KCND2: variants seen among roughly 807,000 people sequenced by gnomAD.
KCND2 encodes the protein A-type voltage-gated potassium channel KCND2.
A neutral mutation model predicts 54.4 loss-of-function variants in KCND2; 16 were observed. The observed-to-expected ratio is 0.29, with a 90% CI of 0.20 to 0.45. The LOEUF is 0.45. KCND2 is among the 20% of genes least tolerant of loss of function. The pLI is 1.00. For missense variants in KCND2, 486 were observed against 824.2 expected, an observed-to-expected ratio of 0.59 and a Z score of 5.02; for synonymous variants, 317 against 310.7, an observed-to-expected ratio of 1.02 and a Z score of -0.21.
intron 1 of KCND2, among the ~76,000 whole-genome samples, chr7:120,413,786 T>C (rs888647438): frequency 3.9e-5 from 6 of 151,972 alleles, no homozygotes; most frequent in Non-Finnish European, 7.4e-5. Context: ...AAATAAATAT[T>C]TCTTGTTGGC....
intron 1 of KCND2, among the ~76,000 whole-genome samples, chr7:120,504,138 A>G (rs1171419947): frequency 6.6e-6 from 1 of 151,984 alleles, no homozygotes; most frequent in Non-Finnish European, 1.5e-5. Flanking sequence ...TCTTTTTGGT[A>G]TGCACAAATA....
At chr7:120,398,679 G>A (rs2116072980) in intron 1 of KCND2, among the ~76,000 whole-genome samples, 1 of 152,176 alleles carries the variant, frequency 6.6e-6, no homozygotes, top group Non-Finnish European at 1.5e-5. Flanking sequence ...GAAATGAGGT[G>A]GTAGTCAGAA....
chr7:120,624,902 A>T (rs529203093), intron 1 of KCND2, among the ~76,000 whole-genome samples: 27 of 152,344 alleles, frequency 1.8e-4, no homozygotes, highest in African/African-American at 6.3e-4. Flanking sequence ...TGGTAGAGCA[A>T]GCAAGCAGTC....
chr7:120,398,303 C>T (rs1801190429), intron 1 of KCND2, among the ~76,000 whole-genome samples: 1 of 151,698 alleles, frequency 6.6e-6, no homozygotes, highest in Non-Finnish European at 1.5e-5. Context: ...TCTTGGAAAT[C>T]ATATGAAGCT....
At chr7:120,550,098 G>A (rs909331651) in intron 1 of KCND2, among the ~76,000 whole-genome samples, 1 of 151,878 alleles carries the variant, frequency 6.6e-6, no homozygotes, top group Admixed American at 6.6e-5. Context: ...GGTTCGTTCA[G>A]CACTCATCAT....
chr7:120,437,196 A>G (rs1476378464), intron 1 of KCND2, among the ~76,000 whole-genome samples: 1 of 145,784 alleles, frequency 6.9e-6, no homozygotes, highest in African/African-American at 2.6e-5. Flanking sequence ...GAGACAATCA[A>G]TATACAACTT....
intron 1 of KCND2, among the ~76,000 whole-genome samples, chr7:120,405,891 T>C (rs967967149): frequency 6.6e-6 from 1 of 152,082 alleles, no homozygotes; most frequent in Admixed American, 6.6e-5. Flanking sequence ...CTAGTGAAAC[T>C]ATAAATTGCA....
chr7:120,635,682 C>A (rs1793295869), intron 1 of KCND2, among the ~76,000 whole-genome samples: 1 of 152,100 alleles, frequency 6.6e-6, no homozygotes, highest in Admixed American at 6.6e-5. Context: ...GCAATAAAAA[C>A]TTTCTTTGGA....
At chr7:120,636,952 C>G (rs930323137) in intron 1 of KCND2, among the ~76,000 whole-genome samples, 1 of 151,942 alleles carries the variant, frequency 6.6e-6, no homozygotes, top group Non-Finnish European at 1.5e-5. Context: ...GAAACTGACC[C>G]TTATAAATTC....
chr7:120,294,092 A>G (rs1034523214), intron 1 of KCND2, among the ~76,000 whole-genome samples: 4 of 152,016 alleles, frequency 2.6e-5, no homozygotes, highest in African/African-American at 9.7e-5. Context: ...GCAATTCTCA[A>G]TACAACCATT....
At chr7:120,501,115 T>C (rs1346988098) in intron 1 of KCND2, among the ~76,000 whole-genome samples, 1 of 152,120 alleles carries the variant, frequency 6.6e-6, no homozygotes, top group Non-Finnish European at 1.5e-5. Flanking sequence ...TGTTAGTCCA[T>C]GTTCTTTGTT....
At chr7:120,675,813 G>C (rs892027565) in intron 1 of KCND2, among the ~76,000 whole-genome samples, 4 of 148,210 alleles carry the variant, frequency 2.7e-5, no homozygotes, top group Admixed American at 1.3e-4. Flanking sequence ...CCCTTGACTA[G>C]TTTATAAGTG....
At chr7:120,632,292 A>G (rs977076866) in intron 1 of KCND2, among the ~76,000 whole-genome samples, 1 of 152,226 alleles carries the variant, frequency 6.6e-6, no homozygotes, top group Non-Finnish European at 1.5e-5. Flanking sequence ...AGCGAGAAAC[A>G]AGGGCATAAT....
intron 1 of KCND2, among the ~76,000 whole-genome samples, chr7:120,503,385 TGAGAGAGAGA>T (rs58222636): frequency 6.8e-6 from 1 of 146,580 alleles, no homozygotes; most frequent in African/African-American, 2.5e-5. Flanking sequence ...GTCTCTAGAG[TGAGAGAGAGA>T]GAGAGAGAGA....
At chr7:120,341,743 T>C (rs541869607) in intron 1 of KCND2, among the ~76,000 whole-genome samples, 4 of 152,258 alleles carry the variant, frequency 2.6e-5, no homozygotes, top group African/African-American at 9.6e-5. Flanking sequence ...CATATATGTG[T>C]TTATTGAAAT....
chr7:120,398,573 C>T (rs753796745), intron 1 of KCND2, among the ~76,000 whole-genome samples: 15 of 151,962 alleles, frequency 9.9e-5, no homozygotes, highest in Non-Finnish European at 1.9e-4. Context: ...AGTATTTGAT[C>T]GAGCTCTACT....
intron 1 of KCND2, among the ~76,000 whole-genome samples, chr7:120,424,836 T>C (rs990284118): frequency 1.3e-5 from 2 of 152,224 alleles, no homozygotes; most frequent in African/African-American, 4.8e-5. Flanking sequence ...TACCTCTTAA[T>C]CTAAGGAAAA....
intron 1 of KCND2, among the ~76,000 whole-genome samples, chr7:120,506,617 G>A (rs900502576): frequency 7.2e-5 from 11 of 151,840 alleles, no homozygotes; most frequent in African/African-American, 1.9e-4. Flanking sequence ...GGAAACAAAC[G>A]TACTGATGAA....
At chr7:120,682,386 T>A (rs1015618924) in intron 1 of KCND2, among the ~76,000 whole-genome samples, 3 of 152,084 alleles carry the variant, frequency 2.0e-5, no homozygotes, top group Admixed American at 6.6e-5. Context: ...ATTTCCTAAC[T>A]GATAGAATAC....
Sources: allele counts gnomAD v4.1 joint callset (sites outside exome capture counted in the v4.1 genomes callset), GRCh38; gene constraint gnomAD v4.1.1; transcripts MANE v1.5; gene names NCBI Gene and HGNC (gene_info 2026-07-23, HGNC 2026-07-21).